The following CMTM8 variants were observed in gnomAD, a reference collection of about 807,000 sequenced individuals.
CMTM8 encodes the protein CKLF like MARVEL transmembrane domain containing 8.
CMTM8 carries 12 observed loss-of-function variants against 18.6 expected under a neutral mutation model. The ratio of observed to expected loss-of-function variants is 0.65; its 90% CI spans 0.41 to 1.05. The LOEUF is 1.05. Among genes scored for constraint, CMTM8 ranks in the 50% least tolerant of loss-of-function variants. The pLI is 0.00. For synonymous variants in CMTM8, 87 were observed against 90.6 expected, an observed-to-expected ratio of 0.96 and a Z score of 0.23; for missense variants, 217 against 227.2, an observed-to-expected ratio of 0.95 and a Z score of 0.29.
chr3:32,304,227 A>G (rs1194885200), intron 1 of CMTM8, among the ~76,000 whole-genome samples: 1 of 152,208 alleles, frequency 6.6e-6, no homozygotes, highest in Non-Finnish European at 1.5e-5. Flanking sequence ...AGCATCTGCC[A>G]GGTCTTATAA....
intron 1 of CMTM8, among the ~76,000 whole-genome samples, chr3:32,354,752 T>C (rs1696779591): frequency 6.6e-6 from 1 of 152,202 alleles, no homozygotes; most frequent in East Asian, 1.9e-4. Context: ...TCAAGAAGCC[T>C]GAAATGTTTC....
chr3:32,290,913 C>G (rs6774720), intron 1 of CMTM8, among the ~76,000 whole-genome samples: 1 of 152,096 alleles, frequency 6.6e-6, no homozygotes, highest in Non-Finnish European at 1.5e-5. Context: ...GAGGCTGGCT[C>G]ATTTTTGTAT....
intron 1 of CMTM8, among the ~76,000 whole-genome samples, chr3:32,304,466 C>T (rs754115610): frequency 3.3e-5 from 5 of 152,176 alleles, no homozygotes; most frequent in South Asian, 2.1e-4. Flanking sequence ...AGAATCAATT[C>T]CATTGCTCCT....
intron 3 of CMTM8, among the ~76,000 whole-genome samples, chr3:32,368,536 C>T (rs1370910286): frequency 6.7e-6 from 1 of 150,186 alleles, no homozygotes; most frequent in African/African-American, 2.4e-5. Flanking sequence ...TTATAGCTCA[C>T]TGCAACCTGG....
intron 1 of CMTM8, among the ~76,000 whole-genome samples, chr3:32,239,611 C>T (rs953037863): frequency 3.9e-5 from 6 of 152,092 alleles, no homozygotes; most frequent in Non-Finnish European, 8.8e-5. Flanking sequence ...AATCTGAGTG[C>T]CATAACCTAT....
At chr3:32,348,131 T>A (rs1464577799) in intron 1 of CMTM8, among the ~76,000 whole-genome samples, 1 of 152,126 alleles carries the variant, frequency 6.6e-6, no homozygotes, top group Non-Finnish European at 1.5e-5. Context: ...CTGAAAAAAA[T>A]ATATTCTCCA....
chr3:32,293,237 G>C (rs1702814882), intron 1 of CMTM8, among the ~76,000 whole-genome samples: 1 of 152,076 alleles, frequency 6.6e-6, no homozygotes, highest in Non-Finnish European at 1.5e-5. Context: ...TTGGGTACTT[G>C]TTTCCAATCT....
intron 1 of CMTM8, among the ~76,000 whole-genome samples, chr3:32,257,165 C>T (rs1315456175): frequency 3.3e-5 from 5 of 152,074 alleles, no homozygotes; most frequent in South Asian, 2.1e-4. Context: ...TTGTTAGAGA[C>T]GGGTTTTTGC....
rs1203505198 is a variant in CMTM8 at position 32,318,758 on chromosome 3, G to A, written c.148-38615G>A. 8.6e-5 allele frequency among the ~76,000 whole-genome samples: 13 copies of A among 150,544 alleles called. No homozygotes were observed. In the East Asian group the frequency reaches 1.4e-3, roughly 16 times the overall value. On this transcript the variant is annotated intron_variant, in intron 1 of 3. Coordinates refer to ENST00000307526, the MANE Select transcript of CMTM8 (RefSeq NM_178868.5). ...ATTTTTTTGTATTTTTAGGAGAGAC[G>A]GGGTTTCACCATGTTAGCCAGGATG...
chr3:32,333,835 G>A (rs1366387184), intron 1 of CMTM8, among the ~76,000 whole-genome samples: 1 of 152,114 alleles, frequency 6.6e-6, no homozygotes, highest in African/African-American at 2.4e-5. Flanking sequence ...CTACCACCAT[G>A]AGTGAACCCT....
chr3:32,357,357 T>C lies in CMTM8; in HGVS notation c.148-16T>C, dbSNP rs1453799388. On this transcript the variant is annotated splice_polypyrimidine_tract_variant and intron_variant, in intron 1 of 3. Transcript: ENST00000307526. Reference sequence around the variant, plus strand: ...TACTGTCCCCTCCTCTCTCCACTGCTTCTACCACTTTACAGGTTCTGGGGC... The same window carrying C: ...TACTGTCCCCTCCTCTCTCCACTGCCTCTACCACTTTACAGGTTCTGGGGC... 1 of 1,611,360 alleles carries C rather than the reference T, an allele frequency of 6.2e-7. No homozygotes were observed. Among genetic ancestry groups the C allele is most frequent in the Non-Finnish European group, 8.5e-7 (1 of 1,178,178 alleles).
chr3:32,243,577 G>A (rs182291128), intron 1 of CMTM8, among the ~76,000 whole-genome samples: 72 of 152,050 alleles, frequency 4.7e-4, no homozygotes, highest in Admixed American at 2.0e-3. Flanking sequence ...GTATAGGTTG[G>A]GAGTGTATCC....
intron 1 of CMTM8, among the ~76,000 whole-genome samples, chr3:32,253,339 T>G (rs1240132152): frequency 4.4e-5 from 6 of 136,398 alleles, no homozygotes. Context: ...TTCTTGTCCC[T>G]TTATCTTTTT....
At chr3:32,259,539 C>T in intron 1 of CMTM8, 1 of 798,974 alleles carries the variant, frequency 1.3e-6, no homozygotes, top group Non-Finnish European at 2.3e-6. Context: ...CAGCTGGAGA[C>T]AGAGATCGAG....
intron 1 of CMTM8, among the ~76,000 whole-genome samples, chr3:32,265,149 C>T (rs921219847): frequency 2.0e-5 from 3 of 152,184 alleles, no homozygotes; most frequent in Non-Finnish European, 4.4e-5. Context: ...ACAGAATATA[C>T]ATTCTTCTCA....
At chr3:32,246,241 G>A (rs1449082958) in intron 1 of CMTM8, among the ~76,000 whole-genome samples, 1 of 151,968 alleles carries the variant, frequency 6.6e-6, no homozygotes, top group Non-Finnish European at 1.5e-5. Context: ...ACTTATTAAG[G>A]GCCCCCCTGC....
chr3:32,328,221 C>T (rs1429880460), intron 1 of CMTM8, among the ~76,000 whole-genome samples: 6 of 151,566 alleles, frequency 4.0e-5, no homozygotes. Context: ...ACTAAAAATA[C>T]AAAAAATTAG....
chr3:32,260,668 G>GTTT (rs33991032), intron 1 of CMTM8, among the ~76,000 whole-genome samples: 18 of 136,454 alleles, frequency 1.3e-4, no homozygotes, highest in Admixed American at 2.9e-4. Context: ...TTTTTTTAAA[G>GTTT]TTTTTTTTTT....
At chr3:32,361,036 C>T (rs1231924316) in intron 2 of CMTM8, among the ~76,000 whole-genome samples, 2 of 152,194 alleles carry the variant, frequency 1.3e-5, no homozygotes, top group African/African-American at 4.8e-5. Context: ...GGCTGGAGTG[C>T]AATGGCGCGA....
Sources: allele counts gnomAD v4.1 joint callset (sites outside exome capture counted in the v4.1 genomes callset), GRCh38; gene constraint gnomAD v4.1.1; transcripts MANE v1.5; gene names NCBI Gene and HGNC (gene_info 2026-07-23, HGNC 2026-07-21).